The following NUGGC variants were observed in gnomAD, a reference collection of about 807,000 sequenced individuals.
The protein encoded by NUGGC is nuclear GTPase, germinal center associated, also known as nuclear GTPase SLIP-GC.
Under a neutral mutation model 92.6 loss-of-function variants are expected in NUGGC, and 58 were observed. The observed-to-expected ratio is 0.63, with a 90% confidence interval of 0.51 to 0.78. The LOEUF (loss-of-function observed/expected upper bound fraction) is 0.78. NUGGC is among the 30% of genes least tolerant of loss of function. The probability of loss-of-function intolerance (pLI) is 0.00; values close to 1 mark genes in which losing one functional copy is unlikely to be tolerated. For synonymous variants in NUGGC, 376 were observed against 366.4 expected, an observed-to-expected ratio of 1.03 and a Z score of -0.30; for missense variants, 925 against 964.6, an observed-to-expected ratio of 0.96 and a Z score of 0.54.
chr8:28,067,091 G>C (rs962982510), intron 6 of NUGGC, among the ~76,000 whole-genome samples: 69 of 152,298 alleles, frequency 4.5e-4, no homozygotes, highest in African/African-American at 1.6e-3. Flanking sequence ...CATGACAATG[G>C]GGGCGACGGA....
At chr8:28,040,624 CTTTT>C (rs59192296) in intron 13 of NUGGC, among the ~76,000 whole-genome samples, 2 of 149,924 alleles carry the variant, frequency 1.3e-5, no homozygotes, top group African/African-American at 2.5e-5. Context: ...TCCTCTGGCT[CTTTT>C]TTTTTGTTTT....
At chr8:28,059,881 T>C (rs968176589) in intron 8 of NUGGC, among the ~76,000 whole-genome samples, 1 of 151,948 alleles carries the variant, frequency 6.6e-6, no homozygotes, top group Non-Finnish European at 1.5e-5. Context: ...ATTAGCTGGG[T>C]GGACCGGCCG....
At chr8:28,082,955 T>G (rs1396061280) in intron 1 of NUGGC, among the ~76,000 whole-genome samples, 5 of 152,046 alleles carry the variant, frequency 3.3e-5, no homozygotes, top group African/African-American at 1.2e-4. Flanking sequence ...AAAAGTAAAA[T>G]TCACTTTCCC....
At chr8:28,037,324 C>G (rs2130106914) in intron 13 of NUGGC, among the ~76,000 whole-genome samples, 1 of 152,324 alleles carries the variant, frequency 6.6e-6, no homozygotes, top group South Asian at 2.1e-4. Context: ...TCCCCCAAAA[C>G]TCTGCCCTGT....
chr8:28,030,612 G>A (rs1809393273), intron 15 of NUGGC, among the ~76,000 whole-genome samples, 194 bp from the exon 16 acceptor site: 1 of 152,148 alleles, frequency 6.6e-6, no homozygotes. Context: ...TATACCCCAA[G>A]TGCTTCCCAT....
intron 6 of NUGGC, 92 bp from the exon 7 acceptor site, chr8:28,064,823 T>C: frequency 1.9e-6 from 2 of 1,066,456 alleles, no homozygotes; most frequent in East Asian, 2.5e-5. Context: ...GTAAGTATGC[T>C]GAGTAAGGGT....
intron 18 of NUGGC, among the ~76,000 whole-genome samples, chr8:28,026,212 G>A (rs1398400774): frequency 2.6e-5 from 4 of 152,128 alleles, no homozygotes; most frequent in Non-Finnish European, 5.9e-5. Context: ...CCCCATTTCT[G>A]ACTTTAGAAT....
chr8:28,064,655 A>G lies in NUGGC; in HGVS notation c.788T>C (p.Met263Thr). 1 of 1,614,018 alleles carries G rather than the reference A, an allele frequency of 6.2e-7. No individual in the cohort carries two copies. Among genetic ancestry groups the G allele is most frequent in the Non-Finnish European group, 8.5e-7 (1 of 1,179,880 alleles). Residue 263 changes from methionine (M) to threonine (T), a missense_variant, in exon 7 of 19, where the codon ATG (methionine) becomes ACG (threonine). Coordinates refer to ENST00000413272, the MANE Select transcript of NUGGC (RefSeq NM_001010906.2). ...RRDWDGEAAEMRIWPLIKHVE... is the reference protein window; with the variant it reads ...RRDWDGEAAETRIWPLIKHVE... ...ATGTTTGATCAAGGGCCAGATGCGC[A>G]TCTCAGCGGCCTCTCCATCCCAATC...
At chr8:28,037,652 C>T (rs1809589644) in intron 13 of NUGGC, among the ~76,000 whole-genome samples, 1 of 152,204 alleles carries the variant, frequency 6.6e-6, no homozygotes, top group Non-Finnish European at 1.5e-5. Context: ...ACAAGGCATT[C>T]TCTTTTCTCA....
intron 10 of NUGGC, among the ~76,000 whole-genome samples, chr8:28,053,439 T>C (rs1414349871): frequency 6.6e-6 from 1 of 152,118 alleles, no homozygotes; most frequent in Non-Finnish European, 1.5e-5. Flanking sequence ...TGAGTTATCA[T>C]TGTGCCACTA....
intron 10 of NUGGC, among the ~76,000 whole-genome samples, chr8:28,051,061 C>A (rs369926262): frequency 2.0e-5 from 3 of 152,048 alleles, no homozygotes; most frequent in Non-Finnish European, 2.9e-5. Flanking sequence ...TGGCCTCATA[C>A]GATCCTCCCA....
chr8:28,053,800 T>C (rs1160318860), intron 10 of NUGGC, among the ~76,000 whole-genome samples: 1 of 152,232 alleles, frequency 6.6e-6, no homozygotes, highest in Non-Finnish European at 1.5e-5. Flanking sequence ...TGCATATTTA[T>C]TTAATACCAA....
At chr8:28,075,493 T>C (rs1402240553) in intron 1 of NUGGC, among the ~76,000 whole-genome samples, 2 of 152,096 alleles carry the variant, frequency 1.3e-5, no homozygotes, top group African/African-American at 4.8e-5. Flanking sequence ...TCTCCACCCA[T>C]AGAGAAGAAT....
At chr8:28,081,781 G>C (rs549119221) in intron 1 of NUGGC, among the ~76,000 whole-genome samples, 1 of 152,032 alleles carries the variant, frequency 6.6e-6, no homozygotes, top group Non-Finnish European at 1.5e-5. Context: ...AGGAGGCTAA[G>C]GCAGAGGAAT....
rs867139195 is a variant in NUGGC, at chr8:28,044,640, C to T, written c.1446+887G>A. 5.3e-5 allele frequency among the ~76,000 whole-genome samples: 8 copies of T among 152,298 alleles called. No individual in the cohort carries two copies. In the South Asian group the frequency reaches 8.3e-4, roughly 16 times the overall value. On this transcript the variant is annotated intron_variant, in intron 12 of 18. Transcript: ENST00000413272. ...CCCGGCCATCTGGTGCTGATTGTTA[C>T]AGAGTTATTCTTTAGCCTCCTGGGT...
chr8:28,058,984 G>C (rs1810222698), intron 8 of NUGGC, among the ~76,000 whole-genome samples: 1 of 152,208 alleles, frequency 6.6e-6, no homozygotes, highest in South Asian at 2.1e-4. Flanking sequence ...GATTACAGGT[G>C]TGAGCCACCA....
chr8:28,046,750 G>A (rs1431150080), intron 11 of NUGGC, among the ~76,000 whole-genome samples: 1 of 149,034 alleles, frequency 6.7e-6, no homozygotes, highest in Non-Finnish European at 1.5e-5. Flanking sequence ...GTGCGATCTC[G>A]GCTCACTGCA....
rs890272536 is a variant in NUGGC, at chr8:28,023,225, T to C, written c.*92A>G. On this transcript the variant is annotated 3_prime_UTR_variant, in exon 19 of 19. Coordinates refer to ENST00000413272, the MANE Select transcript of NUGGC (RefSeq NM_001010906.2). ...TGCACTCCAGCCTGGGCAACAGAGG[T>C]AGATAGATCTTGTCTCTTAAGAACA... is the stretch of plus-strand genomic sequence containing the variant. 1.7e-5 allele frequency: 24 copies of C among 1,383,328 alleles called. No individual in the cohort carries two copies. The African/African-American group carries it at 2.7e-4, about 16-fold the overall frequency. The allele number at this position is 1,383,328 out of a possible 1,614,324, so 85.7% of individuals were successfully genotyped here. A position where few individuals can be genotyped will look rare whatever the true frequency, so the allele number is the denominator to read the frequency against.
At chr8:28,074,963 G>A (rs1810684223) in intron 1 of NUGGC, among the ~76,000 whole-genome samples, 1 of 152,080 alleles carries the variant, frequency 6.6e-6, no homozygotes, top group Admixed American at 6.6e-5. Context: ...GTCTAAACCA[G>A]TATTACCTGA....
Sources: allele counts gnomAD v4.1 joint callset (sites outside exome capture counted in the v4.1 genomes callset), GRCh38; gene constraint gnomAD v4.1.1; transcripts MANE v1.5; gene names NCBI Gene and HGNC (gene_info 2026-07-23, HGNC 2026-07-21).